Variants in SHC3 observed in about 807,000 individuals in gnomAD.
SHC3 encodes the protein SHC-transforming protein 3.
Under a neutral mutation model 60.4 loss-of-function variants are expected in SHC3, and 15 were observed. That is an observed-to-expected ratio of 0.25 (90% CI 0.17 to 0.38). SHC3 has a LOEUF of 0.38. Among genes scored for constraint, SHC3 ranks in the 10% least tolerant of loss-of-function variants. SHC3 has a pLI of 1.00. For missense variants in SHC3, 677 were observed against 786.1 expected (o/e 0.86, Z 1.66); for synonymous variants, 294 against 325.9 (o/e 0.90, Z 1.05).
chr9:89,093,212 T>C (rs1479887923), intron 2 of SHC3, among the ~76,000 whole-genome samples: 1 of 152,216 alleles, frequency 6.6e-6, no homozygotes, highest in Non-Finnish European at 1.5e-5. Flanking sequence ...CTCAAAACCT[T>C]AAGCTAAGTG....
intron 2 of SHC3, among the ~76,000 whole-genome samples, chr9:89,111,589 A>C (rs1825947830): frequency 6.6e-6 from 1 of 152,144 alleles, no homozygotes; most frequent in African/African-American, 2.4e-5. Flanking sequence ...AGAGAAAAAA[A>C]AAAAACAAAA....
chr9:89,037,845 A>G, intron 11 of SHC3, 148 bp downstream of exon 11: 2 of 1,012,632 alleles, frequency 2.0e-6, no homozygotes, highest in Middle Eastern at 6.5e-4. Context: ...TGATGACAGG[A>G]GTTGTCTGTC....
At chr9:89,094,955 C>T (rs1444600556) in intron 2 of SHC3, among the ~76,000 whole-genome samples, 1 of 127,552 alleles carries the variant, frequency 7.8e-6, no homozygotes. Context: ...ACCAACCAAA[C>T]AAACAAACAA....
At chr9:89,047,933 A>G (rs527813784) in intron 7 of SHC3, among the ~76,000 whole-genome samples, 2 of 152,218 alleles carry the variant, frequency 1.3e-5, no homozygotes, top group Non-Finnish European at 2.9e-5. Context: ...ACATCTTTAC[A>G]GTAGCATTGT....
At chr9:89,174,528 G>A (rs11137526) in intron 1 of SHC3, among the ~76,000 whole-genome samples, 15,045 of 152,272 alleles carry the variant, frequency 0.099, 869 homozygotes, top group Admixed American at 0.15. Flanking sequence ...GAATGCTGAC[G>A]CTGTTGGAAT....
intron 1 of SHC3, among the ~76,000 whole-genome samples, chr9:89,148,906 G>A (rs1826507325): frequency 6.6e-6 from 1 of 152,194 alleles, no homozygotes; most frequent in Admixed American, 6.5e-5. Context: ...AAACTTGCAT[G>A]TATTTCTGCG....
At chr9:89,067,756 G>A (rs957333296) in intron 5 of SHC3, among the ~76,000 whole-genome samples, 15 of 152,140 alleles carry the variant, frequency 9.9e-5, no homozygotes, top group African/African-American at 2.7e-4. Flanking sequence ...TAGTTTCAGC[G>A]AACTTTGTCC....
At chr9:89,101,848 A>G (rs1039496222) in intron 2 of SHC3, among the ~76,000 whole-genome samples, 3 of 152,110 alleles carry the variant, frequency 2.0e-5, no homozygotes, top group Non-Finnish European at 2.9e-5. Context: ...TGCCTCTAAA[A>G]TAAACTGGAA....
intron 1 of SHC3, among the ~76,000 whole-genome samples, chr9:89,154,622 C>A (rs948514918): frequency 6.6e-6 from 1 of 152,190 alleles, no homozygotes; most frequent in African/African-American, 2.4e-5. Flanking sequence ...AGACAACTCT[C>A]ATTTAAATCT....
At chr9:89,097,966 C>T (rs755022590) in intron 2 of SHC3, among the ~76,000 whole-genome samples, 2 of 152,138 alleles carry the variant, frequency 1.3e-5, no homozygotes, top group Non-Finnish European at 2.9e-5. Context: ...CAAAGATGCA[C>T]ATAAAAATAA....
chr9:89,058,278 T>C (rs1587701306), intron 6 of SHC3, among the ~76,000 whole-genome samples: 1 of 145,232 alleles, frequency 6.9e-6, no homozygotes, highest in Admixed American at 6.8e-5. Context: ...AAGATGGTGG[T>C]GGAGGACGGT....
At chr9:89,067,418 T>C (rs996675987) in intron 5 of SHC3, among the ~76,000 whole-genome samples, 14 of 152,192 alleles carry the variant, frequency 9.2e-5, no homozygotes, top group African/African-American at 3.4e-4. Flanking sequence ...AAAATTAATA[T>C]AAGAGTAACT....
intron 2 of SHC3, among the ~76,000 whole-genome samples, chr9:89,107,074 C>A (rs184309516): frequency 6.6e-6 from 1 of 152,264 alleles, no homozygotes; most frequent in East Asian, 1.9e-4. Flanking sequence ...ATTAGAACTG[C>A]TGCACAGAGT....
intron 2 of SHC3, among the ~76,000 whole-genome samples, chr9:89,078,951 C>A (rs761827972): frequency 5.3e-5 from 8 of 152,126 alleles, no homozygotes; most frequent in Non-Finnish European, 1.0e-4. Context: ...ACCATGTGGA[C>A]GAAAAATAAT....
intron 8 of SHC3, 22 bp from the exon 9 acceptor site, chr9:89,045,855 C>G: frequency 6.2e-7 from 1 of 1,606,650 alleles, no homozygotes; most frequent in Non-Finnish European, 8.5e-7. Context: ...TGTAAATACA[C>G]AGAATGAAAA....
In SHC3 at chr9:89,013,464, C is replaced by T. The variant is rs759733873; in HGVS notation, c.1768G>A (p.Val590Met). The T allele has an allele frequency of 6.2e-7, 1 of 1,613,050 alleles. No homozygotes were observed. Among genetic ancestry groups the T allele is most frequent in the Non-Finnish European group, 8.5e-7 (1 of 1,179,464 alleles). The part of the protein sequence containing the change: ...AGSELCLQQP[V>M]ERKQ ...TGGCCAGGTCACTGCTTCCTCTCCACTGGCTGCTGGAGACACAGCTCACTC... is the reference window on the plus strand; with the variant it reads ...TGGCCAGGTCACTGCTTCCTCTCCATTGGCTGCTGGAGACACAGCTCACTC... Residue 590 changes from valine (V) to methionine (M), a missense_variant, in exon 12 of 12, where the codon GTG becomes ATG. Val to Met is a conservative substitution (Grantham distance 21). Transcript: ENST00000375835.
intron 11 of SHC3, among the ~76,000 whole-genome samples, chr9:89,027,302 A>C (rs1420968220): frequency 1.3e-5 from 2 of 149,086 alleles, no homozygotes; most frequent in East Asian, 3.9e-4. Context: ...TTGACAGTAG[A>C]CAACTAGTGA....
At chr9:89,047,908 T>G (rs1419624726) in intron 7 of SHC3, among the ~76,000 whole-genome samples, 1 of 152,102 alleles carries the variant, frequency 6.6e-6, no homozygotes, top group African/African-American at 2.4e-5. Flanking sequence ...CATATGTCCA[T>G]AAGGAAACTT....
At chr9:89,174,060 C>CT (rs1826908053) in intron 1 of SHC3, among the ~76,000 whole-genome samples, 1 of 151,982 alleles carries the variant, frequency 6.6e-6, no homozygotes, top group Admixed American at 6.6e-5. Flanking sequence ...GTTAAAATAA[C>CT]TTTTGTATGA....
Sources: allele counts gnomAD v4.1 joint callset (sites outside exome capture counted in the v4.1 genomes callset), GRCh38; gene constraint gnomAD v4.1.1; transcripts MANE v1.5; gene names NCBI Gene and HGNC (gene_info 2026-07-23, HGNC 2026-07-21).